The following CDK15 variants were observed in gnomAD, a reference collection of about 807,000 sequenced individuals.
CDK15 encodes the protein cyclin dependent kinase 15.
Under a neutral mutation model 60.3 loss-of-function variants are expected in CDK15, and 62 were observed. The ratio of observed to expected loss-of-function variants is 1.03; its 90% CI spans 0.84 to 1.27. The LOEUF (loss-of-function observed/expected upper bound fraction) is 1.27. Ranked by LOEUF, CDK15 falls within the 50% of genes most tolerant of loss-of-function variation. The pLI, the probability that CDK15 is intolerant of heterozygous loss-of-function variation, is 0.00. For synonymous variants in CDK15, 194 were observed against 195.7 expected, an observed-to-expected ratio of 0.99 and a Z score of 0.07; for missense variants, 541 against 527.8, an observed-to-expected ratio of 1.03 and a Z score of -0.25.
chr2:201,850,949 G>C (rs1697880742), intron 9 of CDK15, among the ~76,000 whole-genome samples: 1 of 152,060 alleles, frequency 6.6e-6, no homozygotes. Context: ...GAGGTTCTTA[G>C]TCCATTCCTG....
At chr2:201,870,134 T>A (rs1377323425) in intron 10 of CDK15, among the ~76,000 whole-genome samples, 4 of 152,226 alleles carry the variant, frequency 2.6e-5, no homozygotes. Context: ...CTTAGCACTA[T>A]GAATTCAAAT....
chr2:201,874,087 G>A (rs557005440), intron 11 of CDK15, among the ~76,000 whole-genome samples: 2 of 149,280 alleles, frequency 1.3e-5, no homozygotes, highest in Admixed American at 6.7e-5. Flanking sequence ...AAAAAGTTGG[G>A]GGGAGGTAAT....
chr2:201,894,927 G>A lies in CDK15; in HGVS notation c.*1660G>A, dbSNP rs1410562295. ...ATCTGACTTAAATTCTTACACTTTG[G>A]GCTACAACTTAAAAAAGGCTATGAC... On this transcript the variant is annotated 3_prime_UTR_variant, in exon 14 of 14. Coordinates refer to ENST00000652192, the MANE Select transcript of CDK15 (RefSeq NM_001366386.2). 2 of 151,950 alleles carry A rather than the reference G, an allele frequency of 1.3e-5. No individual in the cohort carries two copies. Among genetic ancestry groups the A allele is most frequent in the Admixed American group, 6.6e-5 (1 of 15,250 alleles). The allele number at this position is 151,950 out of a possible 1,614,324, so 9.4% of individuals were successfully genotyped here.
chr2:201,857,389 T>G (rs1698191926), intron 10 of CDK15, among the ~76,000 whole-genome samples: 2 of 152,088 alleles, frequency 1.3e-5, no homozygotes, highest in South Asian at 4.2e-4. Flanking sequence ...TCCATTGTTT[T>G]TCTTTTAAGT....
intron 12 of CDK15, 78 bp downstream of exon 12, chr2:201,880,245 A>T: frequency 6.6e-7 from 1 of 1,519,836 alleles, no homozygotes; most frequent in African/African-American, 1.4e-5. Context: ...TGTCTTAAGT[A>T]GTTTGCCTCA....
chr2:201,879,537 G>C (rs548208044), intron 11 of CDK15, among the ~76,000 whole-genome samples: 3 of 152,034 alleles, frequency 2.0e-5, no homozygotes, highest in African/African-American at 7.3e-5. Flanking sequence ...ATGCCACCAC[G>C]CCCAGCTAAT....
chr2:201,813,297 C>T (rs529489524), intron 4 of CDK15, among the ~76,000 whole-genome samples: 1 of 152,174 alleles, frequency 6.6e-6, no homozygotes, highest in East Asian at 1.9e-4. Flanking sequence ...GTCTTATTTA[C>T]CATCAAGATA....
Position 201,882,954 on chromosome 2 carries a change from A to G in CDK15, c.1198+2787A>G, listed in dbSNP as rs1405508168. Among the ~76,000 whole-genome samples, 1 of 152,142 alleles carries G rather than the reference A, an allele frequency of 6.6e-6. No homozygotes were observed. The highest frequency in any genetic ancestry group is 1.9e-4 in the East Asian group (1 of 5,182). ...AGCCTTTATTAACAGCCTCCTTTGC[A>G]GACAGAGCACACCAGTGGGTAATCA... is the stretch of plus-strand genomic sequence containing the variant. On this transcript the variant is annotated intron_variant, in intron 12 of 13. Transcript: ENST00000652192. The surrounding 1 kb of genome is among the most constrained non-coding windows in gnomAD (Gnocchi z 4.0).
intron 4 of CDK15, 65 bp from the exon 5 acceptor site, chr2:201,822,744 T>C (rs1696286277): frequency 2.3e-6 from 2 of 878,360 alleles, no homozygotes; most frequent in East Asian, 5.0e-5. Context: ...ATATACCGTC[T>C]GATATCTTTA....
At chr2:201,861,661 A>G (rs982797822) in intron 10 of CDK15, 49 of 399,308 alleles carry the variant, frequency 1.2e-4, no homozygotes, top group Admixed American at 2.0e-4. Flanking sequence ...CCTGGGTACA[A>G]GCGGTTCTCC....
intron 10 of CDK15, chr2:201,860,805 G>T (rs1202281333): frequency 7.4e-7 from 1 of 1,352,180 alleles, no homozygotes; most frequent in South Asian, 1.1e-5. Context: ...CAGCAATGCA[G>T]CCTTGTTCTA....
intron 13 of CDK15, among the ~76,000 whole-genome samples, chr2:201,891,319 C>T (rs1699633486): frequency 6.6e-6 from 1 of 152,150 alleles, no homozygotes; most frequent in South Asian, 2.1e-4. Flanking sequence ...AGGCACAGTG[C>T]CCAGCTGGAA....
chr2:201,866,728 CCTAT>C (rs1264168398), intron 10 of CDK15, among the ~76,000 whole-genome samples: 1 of 152,130 alleles, frequency 6.6e-6, no homozygotes, highest in Non-Finnish European at 1.5e-5. Flanking sequence ...GTGTGAAATG[CCTAT>C]CTGTTTGTGG....
At chr2:201,811,415 G>T (rs1214772890) in intron 3 of CDK15, among the ~76,000 whole-genome samples, 1 of 152,202 alleles carries the variant, frequency 6.6e-6, no homozygotes, top group Non-Finnish European at 1.5e-5. Context: ...CTCCCAAAGT[G>T]CTGGGATTAC....
rs192752395 is a variant in CDK15, at chr2:201,882,853, C to T, written c.1198+2686C>T. ...ACCTTCGTGACAGTGGCTCTCACCA[C>T]CAGCACATTATCTACTAAGAGATGC... On this transcript the variant is annotated intron_variant, in intron 12 of 13. Coordinates refer to ENST00000652192, the MANE Select transcript of CDK15 (RefSeq NM_001366386.2). The surrounding 1 kb of genome is among the most constrained non-coding windows in gnomAD (Gnocchi z 4.0). Among the ~76,000 whole-genome samples, 2 of 152,332 alleles carry T rather than the reference C, an allele frequency of 1.3e-5. No individual in the cohort carries two copies. The highest frequency in any genetic ancestry group is 2.4e-5 in the African/African-American group (1 of 41,574).
chr2:201,810,645 A>G (rs2106150522), intron 3 of CDK15, among the ~76,000 whole-genome samples: 1 of 152,306 alleles, frequency 6.6e-6, no homozygotes, highest in South Asian at 2.1e-4. Flanking sequence ...TAGATAATAT[A>G]CCTTCAAAGA....
rs74438333 is a variant in CDK15, at chr2:201,833,164, C to T, written c.607-684C>T. Among the ~76,000 whole-genome samples the T allele has an allele frequency of 2.0e-4, 30 of 149,782 alleles. No individual in the cohort carries two copies. In the East Asian group the frequency reaches 5.1e-3, roughly 26 times the overall value. On this transcript the variant is annotated intron_variant, in intron 6 of 13. Transcript: ENST00000652192. Reference sequence around the variant, plus strand: ...CACCACTACCATTTACCCTTTCTCCCTTCTTCCTCCTACAATTTGTTCCTT... The same window carrying T: ...CACCACTACCATTTACCCTTTCTCCTTTCTTCCTCCTACAATTTGTTCCTT...
chr2:201,818,397 T>C (rs2106163053), intron 4 of CDK15, among the ~76,000 whole-genome samples: 1 of 152,324 alleles, frequency 6.6e-6, no homozygotes, highest in East Asian at 1.9e-4. Flanking sequence ...AAACAGTATT[T>C]TATGAGACTC....
intron 12 of CDK15, among the ~76,000 whole-genome samples, chr2:201,888,017 T>C (rs1699518499): frequency 6.7e-6 from 1 of 149,204 alleles, no homozygotes; most frequent in African/African-American, 2.5e-5. Flanking sequence ...TTTGAAATGA[T>C]AGCTTAATTT....
Sources: gnomAD v4.1 joint callset for allele counts (sites outside exome capture counted in the v4.1 genomes callset) on GRCh38, gnomAD v4.1.1 for gene constraint, Gnocchi (gnomAD v3.1) non-coding constraint, MANE v1.5 for transcripts, NCBI Gene and HGNC (gene_info 2026-07-23, HGNC 2026-07-21) for gene names.